SPAG9: variants seen among roughly 807,000 people sequenced by gnomAD.
SPAG9 encodes sperm associated antigen 9.
A neutral mutation model predicts 166.5 loss-of-function variants in SPAG9; 35 were observed. The ratio of observed to expected loss-of-function variants is 0.21; its 90% CI spans 0.16 to 0.28. SPAG9 has a LOEUF of 0.28. Ranked by LOEUF, SPAG9 falls within the 10% of genes least tolerant of loss-of-function variation. The pLI is 1.00. For synonymous variants in SPAG9, 534 were observed against 565.5 expected (o/e 0.94, Z 0.79); for missense variants, 1,235 against 1,603.3 (o/e 0.77, Z 3.92).
Position 50,995,144 on chromosome 17 carries a change from G to A in SPAG9, c.2139C>T (p.Tyr713=). 33 of 1,613,968 alleles carry A rather than the reference G, an allele frequency of 2.0e-5. No homozygotes were observed. Among genetic ancestry groups the A allele is most frequent in the Non-Finnish European group, 2.7e-5 (32 of 1,179,890 alleles). Residue 713 remains tyrosine (Y), a synonymous_variant, in exon 18 of 30, where the codon TAC becomes TAT. Transcript: ENST00000262013. ...GGSVVGASVF[Y]KDVAGLDTEG... ...CTGTATCCAAACCAGCAACATCCTT[G>A]TAAAATACACTTGCTCCAACAACAG... is the stretch of plus-strand genomic sequence containing the variant.
At chr17:51,107,298 C>T (rs1378526270) in intron 1 of SPAG9, among the ~76,000 whole-genome samples, 1 of 152,006 alleles carries the variant, frequency 6.6e-6, no homozygotes, top group Non-Finnish European at 1.5e-5. Flanking sequence ...CCTGCAATCC[C>T]AGCACCTTGG....
chr17:50,999,652 A>G lies in SPAG9; in HGVS notation c.1664+9T>C. The G allele has an allele frequency of 6.2e-7, 1 of 1,609,454 alleles. No individual in the cohort carries two copies. Among genetic ancestry groups the G allele is most frequent in the African/African-American group, 1.3e-5 (1 of 74,782 alleles). On this transcript the variant is annotated intron_variant, in intron 14 of 29. Transcript: ENST00000262013. Reference sequence around the variant, plus strand: ...GTGCTGTCTAACATCTTTGTTTTTCAATACTTACAACTGCCAAATGCTTGA... The same window carrying G: ...GTGCTGTCTAACATCTTTGTTTTTCGATACTTACAACTGCCAAATGCTTGA...
chr17:51,001,684 A>G (rs751758061), intron 13 of SPAG9, 31 bp downstream of exon 13: 9 of 1,591,500 alleles, frequency 5.7e-6, no homozygotes, highest in Non-Finnish European at 2.6e-6. Flanking sequence ...AAATAATAGT[A>G]GGAAAATAAT....
chr17:51,098,782 G>A (rs2048715046), intron 1 of SPAG9, among the ~76,000 whole-genome samples: 2 of 151,708 alleles, frequency 1.3e-5, no homozygotes, highest in East Asian at 4.0e-4. Flanking sequence ...ATGAGCCACT[G>A]TGCCCAGCCG....
At chr17:50,980,433 G>A (rs1042003530) in intron 25 of SPAG9, among the ~76,000 whole-genome samples, 5 of 151,884 alleles carry the variant, frequency 3.3e-5, no homozygotes, top group African/African-American at 9.7e-5. Flanking sequence ...TCAAACTCCT[G>A]ACCTCAAGTG....
At chr17:51,005,601 G>A (rs1243523321) in intron 11 of SPAG9, among the ~76,000 whole-genome samples, 28 of 152,124 alleles carry the variant, frequency 1.8e-4, no homozygotes, top group Admixed American at 5.9e-4. Flanking sequence ...CTGTAATCCC[G>A]GCACTTTGGG....
Position 51,058,591 on chromosome 17 carries a change from G to C in SPAG9, c.425-2109C>G, listed in dbSNP as rs2144530045. The stretch of plus-strand genomic sequence containing the variant: ...TTAAGATATCACTTTGGGCAGAGGG[G>C]AGTATGCTTCAAACAAAAAACTCCT... On this transcript the variant is annotated intron_variant, in intron 2 of 29. Transcript: ENST00000262013. Among the ~76,000 whole-genome samples the C allele has an allele frequency of 2.6e-5, 4 of 152,300 alleles. No homozygotes were observed. In the Middle Eastern group the frequency reaches 0.01, roughly 389 times the overall value.
chr17:51,069,943 AG>A (rs1261195106), intron 2 of SPAG9, among the ~76,000 whole-genome samples: 2 of 152,140 alleles, frequency 1.3e-5, no homozygotes, highest in African/African-American at 4.8e-5. Context: ...GCGGAATTAA[AG>A]AAGAGTCTAA....
At chr17:51,111,894 T>C (rs2049122797) in intron 1 of SPAG9, among the ~76,000 whole-genome samples, 1 of 152,062 alleles carries the variant, frequency 6.6e-6, no homozygotes, top group South Asian at 2.1e-4. Context: ...TGAGCCACCA[T>C]GCGTAGCGTT....
chr17:51,073,317 G>A (rs2047876855), intron 2 of SPAG9, among the ~76,000 whole-genome samples: 2 of 151,668 alleles, frequency 1.3e-5, no homozygotes, highest in South Asian at 4.2e-4. Flanking sequence ...AACAGAGCAA[G>A]ACTCCGTCTC....
Position 50,995,141 on chromosome 17 carries a change from C to T in SPAG9, c.2142G>A (p.Lys714=). 6.2e-7 allele frequency: 1 copy of T among 1,614,068 alleles called. No homozygotes were observed. The highest frequency in any genetic ancestry group is 8.5e-7 in the Non-Finnish European group (1 of 1,179,944). ...CTTCTGTATCCAAACCAGCAACATCCTTGTAAAATACACTTGCTCCAACAA... is the reference window on the plus strand; with the variant it reads ...CTTCTGTATCCAAACCAGCAACATCTTTGTAAAATACACTTGCTCCAACAA... ...GSVVGASVFY[K]DVAGLDTEGS... The change falls in exon 18 of 30, where the codon AAG becomes AAA. Residue 714 remains lysine, a synonymous_variant. Coordinates refer to ENST00000262013, the MANE Select transcript of SPAG9 (RefSeq NM_001130528.3).
intron 1 of SPAG9, among the ~76,000 whole-genome samples, chr17:51,097,995 G>T (rs2144722097): frequency 6.6e-6 from 1 of 151,892 alleles, no homozygotes; most frequent in African/African-American, 2.4e-5. Context: ...GCTAATTTTT[G>T]TATTTTTCTG....
At chr17:51,000,752 A>ACTCC (rs1567982657) in intron 13 of SPAG9, among the ~76,000 whole-genome samples, 1 of 22,180 alleles carries the variant, frequency 4.5e-5, no homozygotes. Context: ...TCAATAAATG[A>ACTCC]ATGAATAAAT....
chr17:51,103,664 A>T (rs1233292853), intron 1 of SPAG9, among the ~76,000 whole-genome samples: 4 of 152,168 alleles, frequency 2.6e-5, no homozygotes, highest in Non-Finnish European at 5.9e-5. Context: ...GGTGCCTCAC[A>T]TCTGTATTCT....
At chr17:51,067,273 T>C (rs2047699946) in intron 2 of SPAG9, among the ~76,000 whole-genome samples, 1 of 152,188 alleles carries the variant, frequency 6.6e-6, no homozygotes, top group Non-Finnish European at 1.5e-5. Flanking sequence ...CTAAGTCCCA[T>C]AAGATGGTAT....
chr17:51,120,444 G>C lies in SPAG9; in HGVS notation c.213C>G (p.His71Gln), dbSNP rs997132796. The stretch of plus-strand genomic sequence containing the variant: ...CCCGCAGCAGCTCCAGCTCCACCTG[G>C]TGCTCCTGGTCCTGCGCGAACACCG... ...LDSVFAQDQE[H>Q]QVELELLRDD... The change falls in exon 1 of 30, where the codon CAC becomes CAG. Residue 71 changes from histidine (H) to glutamine (Q), a missense_variant. By Grantham distance (24) the His-to-Gln change is conservative (BLOSUM62 0). Around this residue, in one of 6 missense-constraint regions of SPAG9, gnomAD observed 83 missense variants for 149.8 expected, o/e 0.55. Transcript: ENST00000262013. The surrounding 1 kb of genome is among the most constrained non-coding windows in gnomAD (Gnocchi z 4.7). 1 of 1,613,784 alleles carries C rather than the reference G, an allele frequency of 6.2e-7. No homozygotes were observed. The highest frequency in any genetic ancestry group is 1.1e-5 in the South Asian group (1 of 91,054).
At chr17:51,007,218 T>C (rs766849620) in intron 10 of SPAG9, 51 bp downstream of exon 10, 14 of 1,089,814 alleles carry the variant, frequency 1.3e-5, no homozygotes, top group Admixed American at 2.1e-5. Flanking sequence ...GTCATTGACT[T>C]GGACAAGAAG....
At chr17:51,075,501 T>C (rs1045040270) in intron 2 of SPAG9, among the ~76,000 whole-genome samples, 1 of 152,106 alleles carries the variant, frequency 6.6e-6, no homozygotes, top group Non-Finnish European at 1.5e-5. Context: ...CACAAAAGGA[T>C]GTTAGACAAG....
At chr17:51,000,986 T>C (rs911599860) in intron 13 of SPAG9, among the ~76,000 whole-genome samples, 2 of 152,184 alleles carry the variant, frequency 1.3e-5, no homozygotes, top group African/African-American at 2.4e-5. Context: ...GTTAAAACAC[T>C]TGATTCTAAT....
Sources: allele counts gnomAD v4.1 joint callset (sites outside exome capture counted in the v4.1 genomes callset), GRCh38; gene constraint gnomAD v4.1.1; regional missense constraint gnomAD v4.1.1; non-coding constraint Gnocchi (gnomAD v3.1); transcripts MANE v1.5; gene names NCBI Gene and HGNC (gene_info 2026-07-23, HGNC 2026-07-21).